The following SPATA16 variants were observed in gnomAD, a reference collection of about 807,000 sequenced individuals.
The protein encoded by SPATA16 is spermatogenesis-associated protein 16.
SPATA16 carries 36 observed loss-of-function variants against 63.3 expected under a neutral mutation model. The observed-to-expected ratio is 0.57, with a 90% CI of 0.44 to 0.75. The LOEUF is 0.75. Ranked by LOEUF, SPATA16 falls within the 30% of genes least tolerant of loss-of-function variation. The pLI is 0.00. For missense variants in SPATA16, 646 were observed against 679.3 expected (o/e 0.95, Z 0.54); for synonymous variants, 203 against 216.7 (o/e 0.94, Z 0.56).
intron 2 of SPATA16, among the ~76,000 whole-genome samples, chr3:173,053,374 C>T (rs1251573942): frequency 6.6e-6 from 1 of 151,800 alleles, no homozygotes; most frequent in Non-Finnish European, 1.5e-5. Flanking sequence ...GAGATTCAGT[C>T]TCTAATAATA....
intron 2 of SPATA16, among the ~76,000 whole-genome samples, chr3:173,089,895 T>C (rs1277434182): frequency 1.3e-5 from 2 of 152,196 alleles, no homozygotes; most frequent in Non-Finnish European, 2.9e-5. Context: ...TCAGGAATTC[T>C]GACTTGAGCG....
At chr3:172,943,449 G>T (rs1353868) in intron 6 of SPATA16, among the ~76,000 whole-genome samples, 60,081 of 152,038 alleles carry the variant, frequency 0.4, 12,156 homozygotes, top group Admixed American at 0.45. Context: ...GAATATCTAT[G>T]TACTGGAACA....
intron 10 of SPATA16, among the ~76,000 whole-genome samples, chr3:172,909,451 C>G (rs1383099158): frequency 6.6e-6 from 1 of 152,104 alleles, no homozygotes; most frequent in African/African-American, 2.4e-5. Flanking sequence ...TTAAAATACT[C>G]CCCTTCTTGA....
At chr3:173,007,188 C>T (rs1734963570) in intron 4 of SPATA16, among the ~76,000 whole-genome samples, 1 of 152,124 alleles carries the variant, frequency 6.6e-6, no homozygotes, top group Non-Finnish European at 1.5e-5. Context: ...TATAAGACTG[C>T]ATGAGATGTT....
intron 1 of SPATA16, among the ~76,000 whole-genome samples, chr3:173,139,935 A>G (rs1024105098): frequency 3.3e-5 from 5 of 152,190 alleles, no homozygotes; most frequent in African/African-American, 1.2e-4. Context: ...CAGTGAGCCA[A>G]GAAGGCACCA....
At chr3:172,956,926 T>A in intron 5 of SPATA16, 102 bp from the exon 6 acceptor site, 2 of 1,350,522 alleles carry the variant, frequency 1.5e-6, no homozygotes, top group Non-Finnish European at 2.1e-6. Context: ...AAAATCTATA[T>A]ACTGTACTGC....
Position 173,010,435 on chromosome 3 carries a change from CGTGTGTGTGTGTGT to C in SPATA16, c.848+9037_848+9050del, listed in dbSNP as rs66547523. Among the ~76,000 whole-genome samples the C allele has an allele frequency of 1.9e-3, 274 of 141,406 alleles. 2 individuals carry two copies. Among genetic ancestry groups the C allele is most frequent in the African/African-American group, 6.7e-3 (253 of 37,630 alleles). The allele number at this position is 141,406 out of a possible 152,430, so 92.8% of individuals were successfully genotyped here. A position where few individuals can be genotyped will look rare whatever the true frequency, so the allele number is the denominator to read the frequency against. On this transcript the variant is annotated intron_variant, in intron 4 of 10. Transcript: ENST00000351008. Reference sequence around the variant, plus strand: ...GCCTGACCACTCTGGCACGTTGTGGCGTGTGTGTGTGTGTGTGTGTGTGTGTGTGTGTGTGTTTG... The same window carrying C: ...GCCTGACCACTCTGGCACGTTGTGGCGTGTGTGTGTGTGTGTGTGTGTTTG...
In SPATA16 at chr3:173,064,320, C is replaced by CAAA. The variant is rs59773490; in HGVS notation, c.613-15229_613-15227dup. On this transcript the variant is annotated intron_variant, in intron 2 of 10. Transcript: ENST00000351008. ...GAAACTCCATCACACACACGCACAC[C>CAAA]AAAAAAAAAAAAAAAAAAAAGGAAG... Among the ~76,000 whole-genome samples, 136 of 57,636 alleles carry CAAA rather than the reference C, an allele frequency of 2.4e-3. 1 individual carries two copies. Among genetic ancestry groups the CAAA allele is most frequent in the African/African-American group, 8.9e-3 (128 of 14,346 alleles). The allele number at this position is 57,636 out of a possible 152,430, so 37.8% of individuals were successfully genotyped here. A position where few individuals can be genotyped will look rare whatever the true frequency, so the allele number is the denominator to read the frequency against.
chr3:172,985,232 T>C (rs1734419120), intron 4 of SPATA16, among the ~76,000 whole-genome samples: 1 of 152,220 alleles, frequency 6.6e-6, no homozygotes, highest in African/African-American at 2.4e-5. Flanking sequence ...TTTCTGGCTG[T>C]GTCAAGAGAG....
intron 6 of SPATA16, among the ~76,000 whole-genome samples, chr3:172,936,558 T>C (rs1732998875): frequency 1.3e-5 from 2 of 152,186 alleles, no homozygotes; most frequent in South Asian, 4.1e-4. Context: ...TTTGTTGCTA[T>C]TATGTTGCTA....
intron 4 of SPATA16, among the ~76,000 whole-genome samples, chr3:172,985,249 T>A (rs1300652247): frequency 6.6e-6 from 1 of 152,240 alleles, no homozygotes; most frequent in Non-Finnish European, 1.5e-5. Context: ...AGAGGTGTTA[T>A]TAAATCTATA....
chr3:172,916,128 A>G (rs908972869), intron 9 of SPATA16, among the ~76,000 whole-genome samples, 189 bp downstream of exon 9: 3 of 152,232 alleles, frequency 2.0e-5, no homozygotes. Context: ...AATGTGAGCA[A>G]ATAAAAACCA....
chr3:172,932,624 G>T (rs570652818), intron 6 of SPATA16, among the ~76,000 whole-genome samples: 1 of 152,142 alleles, frequency 6.6e-6, no homozygotes, highest in East Asian at 1.9e-4. Flanking sequence ...ATTCACATCA[G>T]CAAGAAAATA....
At chr3:173,066,958 C>T (rs553649157) in intron 2 of SPATA16, among the ~76,000 whole-genome samples, 13 of 145,306 alleles carry the variant, frequency 8.9e-5, no homozygotes, top group Non-Finnish European at 7.5e-5. Flanking sequence ...ATTAGAGAAA[C>T]AAAGATTTTT....
In SPATA16 at chr3:172,938,187, C is replaced by A. The variant is rs6792842; in HGVS notation, c.1082-12695G>T. The stretch of plus-strand genomic sequence containing the variant: ...CTTATGAAATTTGCTTTCTCAGCTT[C>A]CCTTCATGGGTCTTACAGATGCTAT... On this transcript the variant is annotated intron_variant, in intron 6 of 10. Coordinates refer to ENST00000351008, the MANE Select transcript of SPATA16 (RefSeq NM_031955.6). Among the ~76,000 whole-genome samples, 31 of 152,226 alleles carry A rather than the reference C, an allele frequency of 2.0e-4. No individual in the cohort carries two copies. In the South Asian group the frequency reaches 2.3e-3, roughly 11 times the overall value.
intron 2 of SPATA16, among the ~76,000 whole-genome samples, chr3:173,103,076 C>T (rs1449054817): frequency 6.6e-6 from 1 of 152,234 alleles, no homozygotes. Context: ...CTCCATGTCT[C>T]ACAACCATGG....
chr3:172,893,027 A>G (rs1385428914), intron 10 of SPATA16, among the ~76,000 whole-genome samples: 5 of 152,164 alleles, frequency 3.3e-5, no homozygotes, highest in African/African-American at 9.7e-5. Flanking sequence ...GCAGGTTCTG[A>G]CCCATCATAT....
At position 173,138,762 on chromosome 3, in the gene SPATA16, TA is replaced by T. The variant is rs139768555; in HGVS notation, c.-19+2340del. ...AGCTTCAGTTTCTACTCATAAAGGT[TA>T]AAGAGACGCTTTCTAACACCTATCC... On this transcript the variant is annotated intron_variant, in intron 1 of 10. Transcript: ENST00000351008. Among the ~76,000 whole-genome samples the T allele has an allele frequency of 4.5e-3, 683 of 152,328 alleles. 3 individuals are homozygous for T. Among genetic ancestry groups the T allele is most frequent in the African/African-American group, 0.016 (655 of 41,566 alleles).
intron 6 of SPATA16, among the ~76,000 whole-genome samples, chr3:172,937,358 C>T (rs538901824): frequency 3.3e-4 from 50 of 152,212 alleles, no homozygotes; most frequent in Middle Eastern, 6.8e-3. Context: ...TGGAATTTAG[C>T]GGTGAATCTG....
Sources: gnomAD v4.1 joint callset for allele counts (sites outside exome capture counted in the v4.1 genomes callset) on GRCh38, gnomAD v4.1.1 for gene constraint, MANE v1.5 for transcripts, NCBI Gene and HGNC (gene_info 2026-07-23, HGNC 2026-07-21) for gene names.